Variants in DLG2 observed in about 807,000 individuals in gnomAD.
DLG2 encodes discs large MAGUK scaffold protein 2.
Under a neutral mutation model 132.5 loss-of-function variants are expected in DLG2, and 45 were observed. The ratio of observed to expected loss-of-function variants is 0.34; its 90% CI spans 0.27 to 0.44. The LOEUF is 0.44. Ranked by LOEUF, DLG2 falls within the 20% of genes least tolerant of loss-of-function variation. The pLI is 1.00. For missense variants in DLG2, 1,045 were observed against 1,196.9 expected, an observed-to-expected ratio of 0.87 and a Z score of 1.87; for synonymous variants, 424 against 419.6, an observed-to-expected ratio of 1.01 and a Z score of -0.13.
chr11:85,300,739 CA>C (rs1284474862), intron 3 of DLG2, among the ~76,000 whole-genome samples: 1 of 152,072 alleles, frequency 6.6e-6, no homozygotes, highest in South Asian at 2.1e-4. Flanking sequence ...GAATACATGA[CA>C]GAAAGCCTGT....
intron 3 of DLG2, among the ~76,000 whole-genome samples, chr11:85,303,938 T>G (rs2079773078): frequency 1.3e-5 from 2 of 152,222 alleles, no homozygotes; most frequent in South Asian, 4.1e-4. Context: ...CCTCTAAATG[T>G]GTACTGGTCA....
At chr11:85,010,607 C>T (rs570050163) in intron 6 of DLG2, among the ~76,000 whole-genome samples, 1 of 152,110 alleles carries the variant, frequency 6.6e-6, no homozygotes, top group East Asian at 1.9e-4. Context: ...CTGCATTGTC[C>T]AAAGGGACAG....
At chr11:84,756,155 G>A (rs1405912177) in intron 6 of DLG2, among the ~76,000 whole-genome samples, 12 of 152,288 alleles carry the variant, frequency 7.9e-5, no homozygotes, top group African/African-American at 2.9e-4. Flanking sequence ...ATATGTATTT[G>A]TAACTAACTT....
At chr11:83,497,268 C>T (rs181869937) in intron 21 of DLG2, among the ~76,000 whole-genome samples, 2 of 152,228 alleles carry the variant, frequency 1.3e-5, no homozygotes, top group East Asian at 1.9e-4. Context: ...ACCGGCTGGG[C>T]GTGGTGGCTC....
intron 18 of DLG2, among the ~76,000 whole-genome samples, chr11:83,720,338 A>T (rs1173014944): frequency 6.8e-6 from 1 of 146,462 alleles, no homozygotes; most frequent in African/African-American, 2.5e-5. Flanking sequence ...AATGACATTC[A>T]CTTAAGTTAT....
intron 19 of DLG2, chr11:83,631,462 G>A (rs911842248): frequency 6.6e-6 from 1 of 151,844 alleles, no homozygotes; most frequent in Non-Finnish European, 1.5e-5. Flanking sequence ...TTAAAAAGAG[G>A]TTCCTCCTTT....
intron 7 of DLG2, among the ~76,000 whole-genome samples, chr11:84,488,388 G>A (rs2099156253): frequency 6.6e-6 from 1 of 152,086 alleles, no homozygotes; most frequent in Non-Finnish European, 1.5e-5. Context: ...ATTGGGGAAG[G>A]CCTTAGTTGA....
intron 6 of DLG2, among the ~76,000 whole-genome samples, chr11:84,609,962 T>C (rs957755409): frequency 2.0e-5 from 3 of 152,214 alleles, no homozygotes; most frequent in Admixed American, 6.5e-5. Context: ...TGAAATCCTT[T>C]ATGCTTTTTT....
chr11:84,823,581 CCACACACACACACACACACACACA>C (rs60714512), intron 6 of DLG2, among the ~76,000 whole-genome samples: 3 of 134,496 alleles, frequency 2.2e-5, no homozygotes, highest in Admixed American at 7.7e-5. Flanking sequence ...GGTTGTATAT[CCACACACACACACACACACACACA>C]CACACACACA....
At chr11:84,692,057 T>C (rs2058105919) in intron 6 of DLG2, among the ~76,000 whole-genome samples, 1 of 151,748 alleles carries the variant, frequency 6.6e-6, no homozygotes, top group African/African-American at 2.4e-5. Flanking sequence ...TTGCATGTTT[T>C]TCTCCACCAC....
At chr11:85,174,593 G>A (rs1053083310) in intron 4 of DLG2, among the ~76,000 whole-genome samples, 1 of 152,050 alleles carries the variant, frequency 6.6e-6, no homozygotes, top group Non-Finnish European at 1.5e-5. Flanking sequence ...AAAGTTAGCA[G>A]AAGACAAGAA....
intron 6 of DLG2, among the ~76,000 whole-genome samples, chr11:84,649,759 C>T (rs974996029): frequency 6.6e-6 from 1 of 152,168 alleles, no homozygotes; most frequent in Non-Finnish European, 1.5e-5. Context: ...TCCTCTGAGA[C>T]TGCCTGTGGC....
At chr11:83,603,744 G>C (rs2058919142) in intron 19 of DLG2, among the ~76,000 whole-genome samples, 1 of 152,044 alleles carries the variant, frequency 6.6e-6, no homozygotes, top group African/African-American at 2.4e-5. Flanking sequence ...ATGATTTTAA[G>C]CATGTTTTCA....
intron 7 of DLG2, among the ~76,000 whole-genome samples, chr11:84,519,387 A>G (rs1284030329): frequency 6.6e-6 from 1 of 152,162 alleles, no homozygotes; most frequent in African/African-American, 2.4e-5. Flanking sequence ...CATAAAGAAA[A>G]CAGCCTTATG....
chr11:83,551,793 C>T (rs2096396919), intron 19 of DLG2, among the ~76,000 whole-genome samples: 1 of 152,064 alleles, frequency 6.6e-6, no homozygotes, highest in Non-Finnish European at 1.5e-5. Context: ...TAATCAAATT[C>T]CCACAGATGG....
intron 7 of DLG2, among the ~76,000 whole-genome samples, chr11:84,486,640 G>A: frequency 6.6e-6 from 1 of 152,078 alleles, no homozygotes; most frequent in East Asian, 1.9e-4. Context: ...AAGGTGAAAA[G>A]TCTTTCGAGC....
intron 6 of DLG2, 90 bp from the exon 7 acceptor site, chr11:84,534,821 G>T: frequency 6.9e-7 from 1 of 1,441,534 alleles, no homozygotes. Context: ...TTCATCAATA[G>T]GACACAGTGT....
rs540461478 is a variant in DLG2, at chr11:84,227,308, G to A, written c.573+23930C>T. Among the ~76,000 whole-genome samples the A allele has an allele frequency of 2.8e-4, 43 of 152,050 alleles. No homozygotes were observed. In the South Asian group the frequency reaches 6.9e-3, roughly 24 times the overall value. On this transcript the variant is annotated intron_variant, in intron 8 of 27. Transcript: ENST00000376104. ...AAAAGCATACAGGTAGAAAAGATCA[G>A]AGAATTGCAAAAGGAAATTCTGTGT...
intron 6 of DLG2, among the ~76,000 whole-genome samples, chr11:84,737,463 A>C (rs1423203080): frequency 6.6e-6 from 1 of 151,802 alleles, no homozygotes; most frequent in East Asian, 1.9e-4. Context: ...ATTTACCAAA[A>C]CCAAACTATC....
Sources: allele counts gnomAD v4.1 joint callset (sites outside exome capture counted in the v4.1 genomes callset), GRCh38; gene constraint gnomAD v4.1.1; transcripts MANE v1.5; gene names NCBI Gene and HGNC (gene_info 2026-07-23, HGNC 2026-07-21).